SNX25: variants seen among roughly 807,000 people sequenced by gnomAD.
The protein encoded by SNX25 is sorting nexin 25.
In SNX25, 62 loss-of-function variants were observed where a neutral mutation model predicts 113.7. That is an observed-to-expected ratio of 0.55 (90% confidence interval 0.44 to 0.67). The LOEUF (loss-of-function observed/expected upper bound fraction) is 0.67, where lower values mean the gene tolerates loss of function less well. SNX25 is among the 30% of genes least tolerant of loss of function. The pLI is 0.00. For missense variants in SNX25, 1,014 were observed against 1,161.0 expected, an observed-to-expected ratio of 0.87 and a Z score of 1.84; for synonymous variants, 421 against 436.2, an observed-to-expected ratio of 0.97 and a Z score of 0.43.
At chr4:185,372,826 C>A, downstream of SNX25, 1 of 1,509,058 alleles carries the variant, frequency 6.6e-7, no homozygotes, top group South Asian at 1.2e-5. Context: ...TATTCTGTTA[C>A]AGCAGCACAG....
chr4:185,321,788 A>G (rs2095122336), intron 8 of SNX25, among the ~76,000 whole-genome samples: 1 of 152,184 alleles, frequency 6.6e-6, no homozygotes, highest in Non-Finnish European at 1.5e-5. Flanking sequence ...GGGGGAAAAA[A>G]ACTGCATCTG....
At chr4:185,353,908 G>A (rs1461441503) in intron 15 of SNX25, among the ~76,000 whole-genome samples, 1 of 152,178 alleles carries the variant, frequency 6.6e-6, no homozygotes, top group Non-Finnish European at 1.5e-5. Flanking sequence ...GCCGGGCATG[G>A]TGGCGCATGC....
rs572995328 is a variant in SNX25, at chr4:185,232,274, C to T, written c.430-15020C>T. 1.3e-5 allele frequency among the ~76,000 whole-genome samples: 2 copies of T among 152,154 alleles called. No individual in the cohort carries two copies. Among genetic ancestry groups the T allele is most frequent in the East Asian group, 3.8e-4 (2 of 5,196 alleles). Reference sequence around the variant, plus strand: ...AGCACACAAGTCCCCTTGCCCAGTTCCTCATTGGTCTAGTACTACGGGGTT... The same window carrying T: ...AGCACACAAGTCCCCTTGCCCAGTTTCTCATTGGTCTAGTACTACGGGGTT... On this transcript the variant is annotated intron_variant, in intron 1 of 18. Coordinates refer to ENST00000652585, the MANE Select transcript of SNX25 (RefSeq NM_001378034.2). The surrounding 1 kb of genome is among the most constrained non-coding windows in gnomAD (Gnocchi z 4.4).
At chr4:185,227,923 G>A (rs1019322793) in intron 1 of SNX25, among the ~76,000 whole-genome samples, 2 of 152,158 alleles carry the variant, frequency 1.3e-5, no homozygotes, top group African/African-American at 4.8e-5. Flanking sequence ...AGGCAAGGGA[G>A]GAGCAGCCCA....
At chr4:185,328,211 AG>A (rs2095170011) in intron 9 of SNX25, among the ~76,000 whole-genome samples, 2 of 152,110 alleles carry the variant, frequency 1.3e-5, no homozygotes. Context: ...CCTTTGGGTG[AG>A]GCCCTTTAAG....
chr4:185,215,603 A>G (rs1738680670), intron 1 of SNX25, among the ~76,000 whole-genome samples: 1 of 152,208 alleles, frequency 6.6e-6, no homozygotes, highest in Admixed American at 6.5e-5. Context: ...CTAATGTGAT[A>G]AACTAATCCT....
At chr4:185,286,076 C>G (rs1185463482) in intron 5 of SNX25, among the ~76,000 whole-genome samples, 9 of 151,766 alleles carry the variant, frequency 5.9e-5, no homozygotes, top group Non-Finnish European at 1.3e-4. Context: ...CCACACCTGG[C>G]CTTTTTCTGT....
chr4:185,257,814 A>G (rs1420565653), intron 2 of SNX25, among the ~76,000 whole-genome samples: 1 of 152,176 alleles, frequency 6.6e-6, no homozygotes, highest in Non-Finnish European at 1.5e-5. Context: ...AATTAAGAAC[A>G]TAGGCACTAG....
chr4:185,363,363 T>C lies in SNX25; in HGVS notation c.2935-22T>C. On this transcript the variant is annotated intron_variant, in intron 18 of 18. Coordinates refer to ENST00000652585, the MANE Select transcript of SNX25 (RefSeq NM_001378034.2). This position sits in a 1 kb window ranked among gnomAD's most constrained non-coding sequence, Gnocchi z 4.2. The stretch of plus-strand genomic sequence containing the variant: ...CTTGGAGAAAAACATTTTTCCACTT[T>C]TTTCCTTCTTTGTTGGTTCAGGCGC... The C allele has an allele frequency of 6.2e-7, 1 of 1,613,188 alleles. No individual in the cohort carries two copies. Among genetic ancestry groups the C allele is most frequent in the Non-Finnish European group, 8.5e-7 (1 of 1,179,424 alleles).
rs533710181 is a variant in SNX25 at position 185,267,592 on chromosome 4, G to A, written c.1091+437G>A. ...CTAAAAATACAAAAATCAGCTGGGT[G>A]TGGTGGCACATGCCTGTAGTCCCAG... is the stretch of plus-strand genomic sequence containing the variant. On this transcript the variant is annotated intron_variant, in intron 5 of 18. Transcript: ENST00000652585. 2.0e-3 allele frequency among the ~76,000 whole-genome samples: 304 copies of A among 152,182 alleles called. 2 individuals carry two copies. Among genetic ancestry groups the A allele is most frequent in the African/African-American group, 6.7e-3 (280 of 41,536 alleles).
intron 12 of SNX25, among the ~76,000 whole-genome samples, chr4:185,344,305 G>T (rs556712387): frequency 6.6e-6 from 1 of 152,248 alleles, no homozygotes; most frequent in Non-Finnish European, 1.5e-5. Context: ...TGCAGAAGAG[G>T]CAGCAGGTCT....
At chr4:185,361,883 T>G (rs778564324) in intron 16 of SNX25, 41 bp from the exon 17 acceptor site, 1 of 1,604,960 alleles carries the variant, frequency 6.2e-7, no homozygotes, top group South Asian at 1.1e-5. Context: ...GAGTACACAA[T>G]TTTTAAAAAC....
intron 17 of SNX25, chr4:185,362,344 C>T (rs915884510): frequency 1.9e-5 from 19 of 984,822 alleles, no homozygotes; most frequent in South Asian, 9.4e-5. Context: ...GCTAAAGTAT[C>T]GTGTTTTGAG....
At chr4:185,283,112 G>C (rs1195769311) in intron 5 of SNX25, among the ~76,000 whole-genome samples, 2 of 152,178 alleles carry the variant, frequency 1.3e-5, no homozygotes, top group Non-Finnish European at 2.9e-5. Context: ...AGAAGGTCTG[G>C]TGAGTACTAA....
downstream of SNX25, among the ~76,000 whole-genome samples, chr4:185,368,318 C>T (rs374596438): frequency 1.1e-4 from 16 of 152,304 alleles, no homozygotes; most frequent in South Asian, 6.2e-4. Context: ...CCCTGCCTGA[C>T]GGTGGCAGAG....
chr4:185,287,056 C>T (rs1306443635), intron 5 of SNX25, among the ~76,000 whole-genome samples: 2 of 152,218 alleles, frequency 1.3e-5, no homozygotes, highest in South Asian at 2.1e-4. Flanking sequence ...TTAATTAATT[C>T]ATATAATTAA....
chr4:185,288,077 A>G lies in SNX25; in HGVS notation c.1157A>G (p.His386Arg). ...AGCAGCTTTCCCCAACTGAAGAGGC[A>G]CAAAGGTAAGAGCCAGGTTGTTTTC... is the stretch of plus-strand genomic sequence containing the variant. ...TISSFPQLKR[H>R]KGKETAAMKA... The change falls in exon 6 of 19, where the codon CAC becomes CGC. Residue 386 changes from histidine to arginine, a missense_variant. Physicochemically the swap from His to Arg is conservative, Grantham distance 29. Transcript: ENST00000652585. 1 of 1,613,482 alleles carries G rather than the reference A, an allele frequency of 6.2e-7. No individual in the cohort carries two copies. Among genetic ancestry groups the G allele is most frequent in the Non-Finnish European group, 8.5e-7 (1 of 1,179,658 alleles).
At chr4:185,367,238 C>T (rs535134308), downstream of SNX25, 61 of 1,610,000 alleles carry the variant, frequency 3.8e-5, no homozygotes, top group Admixed American at 1.0e-4. Context: ...GGGATTCAGA[C>T]GACAAGCCTT....
intron 1 of SNX25, among the ~76,000 whole-genome samples, chr4:185,238,375 G>A (rs1742986519): frequency 1.3e-5 from 2 of 152,032 alleles, no homozygotes; most frequent in Non-Finnish European, 2.9e-5. Context: ...ATGATCTTTT[G>A]TCAGAATCTT....
Sources: allele counts gnomAD v4.1 joint callset (sites outside exome capture counted in the v4.1 genomes callset), GRCh38; gene constraint gnomAD v4.1.1; non-coding constraint Gnocchi (gnomAD v3.1); transcripts MANE v1.5; gene names NCBI Gene and HGNC (gene_info 2026-07-23, HGNC 2026-07-21).